Variants in NEU3 observed in about 807,000 individuals in gnomAD.
NEU3 encodes sialidase-3.
Under a neutral mutation model 11.4 loss-of-function variants are expected in NEU3, and 10 were observed. That is an observed-to-expected ratio of 0.88 (90% CI 0.54 to 1.49). NEU3 has a LOEUF of 1.49. Ranked by LOEUF, NEU3 falls within the 40% of genes most tolerant of loss-of-function variation. The pLI is 0.00. For synonymous variants in NEU3, 212 were observed against 228.2 expected (o/e 0.93, Z 0.64); for missense variants, 529 against 581.8 (o/e 0.91, Z 0.93).
chr11:75,005,384 C>T (rs1431479153), intron 2 of NEU3, 29 bp from the exon 3 acceptor site: 10 of 1,541,100 alleles, frequency 6.5e-6, no homozygotes, highest in Non-Finnish European at 7.9e-6. Flanking sequence ...TAGTATCTCA[C>T]TCCTACTTTC....
At chr11:75,004,520 T>C (rs1032364512) in intron 2 of NEU3, 1 of 452,098 alleles carries the variant, frequency 2.2e-6, no homozygotes, top group Non-Finnish European at 3.9e-6. Flanking sequence ...TTCCTGGAAA[T>C]TTTCTTACCA....
chr11:75,017,366 G>A (rs970646254), intron 3 of NEU3, among the ~76,000 whole-genome samples: 6 of 152,164 alleles, frequency 3.9e-5, no homozygotes, highest in African/African-American at 1.2e-4. Flanking sequence ...ATGGGTTCCA[G>A]ATTCAGCGGC....
chr11:74,983,248 GTGT>G, the NEU3 span, among the ~76,000 whole-genome samples: 27 of 152,298 alleles, frequency 1.8e-4, no homozygotes, highest in African/African-American at 6.5e-4. Flanking sequence ...GCATCAAAGT[GTGT>G]TGTTAATACC....
chr11:74,992,716 T>A (rs1325385732), intron 1 of NEU3, among the ~76,000 whole-genome samples: 1 of 152,092 alleles, frequency 6.6e-6, no homozygotes. Flanking sequence ...TACCAGCACT[T>A]TGGGAGGCCA....
downstream of NEU3, among the ~76,000 whole-genome samples, chr11:75,011,644 G>T (rs552070157): frequency 1.3e-5 from 2 of 152,178 alleles, no homozygotes; most frequent in Admixed American, 1.3e-4. Flanking sequence ...AGCCAGTAGG[G>T]TCCTTCACTG....
rs1948942547 is a variant in NEU3 at position 75,010,204 on chromosome 11, T to C, written c.*3712T>C. The C allele has an allele frequency of 6.6e-6, 1 of 152,266 alleles. No individual in the cohort carries two copies. Among genetic ancestry groups the C allele is most frequent in the Non-Finnish European group, 1.5e-5 (1 of 68,048 alleles). 9.4% of individuals were successfully genotyped at this position (152,266 alleles called of 1,614,324 possible). A position where few individuals can be genotyped will look rare whatever the true frequency, so the allele number is the denominator to read the frequency against. On this transcript the variant is annotated 3_prime_UTR_variant, in exon 3 of 3. Transcript: ENST00000294064. ...CTAGGCTGTGAACTCCTTGACTGAC[T>C]CCTCACTGTGTCCTTTTTACCTTGA...
At chr11:75,013,072 C>T (rs1184085469), downstream of NEU3, among the ~76,000 whole-genome samples, 1 of 152,180 alleles carries the variant, frequency 6.6e-6, no homozygotes, top group South Asian at 2.1e-4. Context: ...AGTACATTAC[C>T]AGGAGAGACA....
chr11:75,000,776 A>AATGT (rs1948835116), intron 2 of NEU3, among the ~76,000 whole-genome samples: 1 of 134,494 alleles, frequency 7.4e-6, no homozygotes, highest in Non-Finnish European at 1.6e-5. Context: ...ATACCCAGCT[A>AATGT]ATTTATTTAT....
At chr11:74,987,540 G>A (rs1268303337), upstream of NEU3, among the ~76,000 whole-genome samples, 1 of 152,078 alleles carries the variant, frequency 6.6e-6, no homozygotes, top group African/African-American at 2.4e-5. Context: ...ATTGCCAGGC[G>A]CGGTGGCTCA....
At chr11:75,015,285 AC>A (rs748916813), downstream of NEU3, among the ~76,000 whole-genome samples, 5 of 152,260 alleles carry the variant, frequency 3.3e-5, no homozygotes, top group East Asian at 9.6e-4. Flanking sequence ...CAGAAAGCAA[AC>A]CGTCACCAGA....
intron 2 of NEU3, among the ~76,000 whole-genome samples, chr11:74,995,654 AC>A (rs996954169): frequency 1.4e-4 from 22 of 152,312 alleles, no homozygotes; most frequent in African/African-American, 5.3e-4. Flanking sequence ...CAAAAAGTAC[AC>A]ACCTTAAAAT....
intron 2 of NEU3, among the ~76,000 whole-genome samples, chr11:74,997,307 T>C (rs1948798787): frequency 6.6e-6 from 1 of 152,244 alleles, no homozygotes; most frequent in East Asian, 1.9e-4. Flanking sequence ...GCTTCTTGCC[T>C]TAAACCTCAT....
In NEU3 at chr11:75,017,792, C is replaced by T. The variant is rs144489194; in HGVS notation, c.*2-899C>T. Among the ~76,000 whole-genome samples the T allele has an allele frequency of 9.6e-3, 1,460 of 152,136 alleles. 14 individuals are homozygous for T. Among genetic ancestry groups the T allele is most frequent in the Middle Eastern group, 0.031 (9 of 294 alleles). On this transcript the variant is annotated intron_variant, in intron 3 of 3. Coordinates refer to the NEU3 transcript ENST00000529024. ...TGCCTAGAGCACTCTAGACCACTCT[C>T]GAAAAAGACCTCTGTACTGAACAAT...
At chr11:75,019,561 T>G (rs1948994298), downstream of NEU3, among the ~76,000 whole-genome samples, 1 of 152,216 alleles carries the variant, frequency 6.6e-6, no homozygotes, top group Non-Finnish European at 1.5e-5. Flanking sequence ...TTATTATTTT[T>G]TCCTATAGTA....
At position 75,005,480 on chromosome 11, in the gene NEU3, T is replaced by C. The variant is rs751524929; in HGVS notation, c.374T>C (p.Val125Ala). 1.2e-6 allele frequency: 2 copies of C among 1,613,766 alleles called. No individual in the cohort carries two copies. Among genetic ancestry groups the C allele is most frequent in the Non-Finnish European group, 1.7e-6 (2 of 1,179,840 alleles). Residue 125 changes from valine (V) to alanine (A), a missense_variant, in exon 3 of 3, where the codon GTA becomes GCA. Val to Ala is a moderately conservative substitution (Grantham distance 64). Coordinates refer to ENST00000294064, the MANE Select transcript of NEU3 (RefSeq NM_006656.6). ...CATCGGACCATGAACCCCTGTCCTGTATGGGAGCAGAAGAGTGGTTGTGTG... is the reference window on the plus strand; with the variant it reads ...CATCGGACCATGAACCCCTGTCCTGCATGGGAGCAGAAGAGTGGTTGTGTG... Reference protein sequence around the residue: ...PGHRTMNPCPVWEQKSGCVFL... With the variant: ...PGHRTMNPCPAWEQKSGCVFL...
chr11:74,999,279 C>T (rs757760503), intron 2 of NEU3, among the ~76,000 whole-genome samples: 7 of 152,112 alleles, frequency 4.6e-5, no homozygotes, highest in Non-Finnish European at 7.4e-5. Context: ...CCTGAGTAGC[C>T]GCCACTACAG....
chr11:75,004,596 A>T (rs12272790), intron 2 of NEU3, among the ~76,000 whole-genome samples: 1,757 of 152,288 alleles, frequency 0.012, 45 homozygotes, highest in African/African-American at 0.04. Context: ...AATATGTCTG[A>T]TTAGGCATTA....
chr11:75,015,982 C>T (rs1180086453), intron 3 of NEU3, among the ~76,000 whole-genome samples: 3 of 152,164 alleles, frequency 2.0e-5, no homozygotes, highest in Admixed American at 6.6e-5. Context: ...TGGGCTCAGC[C>T]GAGGACTGGA....
chr11:75,012,856 G>A (rs1443708791), downstream of NEU3, among the ~76,000 whole-genome samples: 1 of 152,182 alleles, frequency 6.6e-6, no homozygotes, highest in Non-Finnish European at 1.5e-5. Flanking sequence ...GGAATTGAAG[G>A]AAGAGCTGTG....
Sources: gnomAD v4.1 joint callset for allele counts (sites outside exome capture counted in the v4.1 genomes callset) on GRCh38, gnomAD v4.1.1 for gene constraint, MANE v1.5 for transcripts, NCBI Gene and HGNC (gene_info 2026-07-23, HGNC 2026-07-21) for gene names.